The following CDKL5 variants were observed in gnomAD, a reference collection of about 807,000 sequenced individuals.
CDKL5 encodes the protein cyclin-dependent kinase-like 5.
In CDKL5, 8 loss-of-function variants were observed where a neutral mutation model predicts 61.7. The ratio of observed to expected loss-of-function variants is 0.13; its 90% CI spans 0.08 to 0.23. CDKL5 has a LOEUF of 0.23. Among genes scored for constraint, CDKL5 ranks in the 10% least tolerant of loss-of-function variants. The probability of loss-of-function intolerance (pLI) is 1.00; values close to 1 mark genes in which losing one functional copy is unlikely to be tolerated. For synonymous variants in CDKL5, 275 were observed against 272.3 expected (o/e 1.01, Z -0.10); for missense variants, 440 against 734.5 (o/e 0.60, Z 4.63).
chrX:18,627,935 G>T (rs1434746483), intron 17 of CDKL5, among the ~76,000 whole-genome samples: 2 of 111,369 alleles, frequency 1.8e-5, no homozygotes, highest in East Asian at 5.7e-4. Flanking sequence ...CATATTTTCA[G>T]CTTCTCTTGC....
intron 1 of CDKL5, among the ~76,000 whole-genome samples, chrX:18,490,041 G>T (rs1022399475): frequency 9.0e-6 from 1 of 111,713 alleles, no homozygotes; most frequent in Admixed American, 9.5e-5. Flanking sequence ...TTTAGAGTTT[G>T]ACTCTGTCAA....
At chrX:18,574,763 C>G (rs1382530860) in intron 4 of CDKL5, among the ~76,000 whole-genome samples, 1 of 111,917 alleles carries the variant, frequency 8.9e-6, no homozygotes, top group Non-Finnish European at 1.9e-5. Context: ...ATTAGACACT[C>G]TCAGAATTCC....
intron 1 of CDKL5, among the ~76,000 whole-genome samples, chrX:18,451,929 C>T (rs1932028090): frequency 8.9e-6 from 1 of 112,233 alleles, no homozygotes; most frequent in East Asian, 2.8e-4. Context: ...ATAACCCACA[C>T]TGTTTTATAC....
At chrX:18,627,889 G>A (rs1227020103) in intron 17 of CDKL5, among the ~76,000 whole-genome samples, 3 of 109,609 alleles carry the variant, frequency 2.7e-5, no homozygotes, top group African/African-American at 6.7e-5. Context: ...AGGGCTATAC[G>A]ACTTGTAGTT....
At chrX:18,441,239 A>T (rs1931734441) in intron 1 of CDKL5, among the ~76,000 whole-genome samples, 1 of 111,033 alleles carries the variant, frequency 9.0e-6, no homozygotes, top group Non-Finnish European at 1.9e-5. Context: ...AACATGGTGA[A>T]ACACCGTCTC....
chrX:18,598,847 A>G (rs1276999417), intron 11 of CDKL5, among the ~76,000 whole-genome samples: 1 of 112,363 alleles, frequency 8.9e-6, no homozygotes, highest in Admixed American at 9.5e-5. Flanking sequence ...TCCCTGGGAA[A>G]GGTAGCATTG....
rs186123467 is a variant in CDKL5, at chrX:18,556,391, C to T, written c.100-8086C>T. 1.1e-4 allele frequency among the ~76,000 whole-genome samples: 12 copies of T among 111,338 alleles called. No individual in the cohort carries two copies. In the East Asian group the frequency reaches 3.4e-3, roughly 31 times the overall value. Reference sequence around the variant, plus strand: ...CACATGGCTTGCAAAGACAGTATAGCATGATTATGGTTGAGAAATGGCATT... The same window carrying T: ...CACATGGCTTGCAAAGACAGTATAGTATGATTATGGTTGAGAAATGGCATT... On this transcript the variant is annotated intron_variant, in intron 3 of 17. Transcript: ENST00000623535.
At chrX:18,649,747 T>C (rs1927948015) in intron 20 of CDKL5, among the ~76,000 whole-genome samples, 1 of 112,028 alleles carries the variant, frequency 8.9e-6, no homozygotes, top group Non-Finnish European at 1.9e-5. Flanking sequence ...GGGAAGACAT[T>C]CTTTCTGTGG....
chrX:18,454,064 T>C (rs1391653278), intron 1 of CDKL5, among the ~76,000 whole-genome samples: 5 of 111,647 alleles, frequency 4.5e-5, no homozygotes. Flanking sequence ...GGAGGTAGCC[T>C]TTATGTAGAG....
chrX:18,553,731 G>A (rs1374640308), intron 3 of CDKL5, among the ~76,000 whole-genome samples: 2 of 111,611 alleles, frequency 1.8e-5, no homozygotes, highest in Non-Finnish European at 3.8e-5. Context: ...CTAACCTCAA[G>A]TGATCCGCCT....
In CDKL5 at chrX:18,646,222, C is replaced by T. The variant is rs749288342; in HGVS notation, c.2797+132C>T. 1,609 of 1,003,998 alleles carry T rather than the reference C, an allele frequency of 1.6e-3. 2 individuals carry two copies. Among genetic ancestry groups the T allele is most frequent in the Non-Finnish European group, 2.1e-3 (1,534 of 739,538 alleles). 82.7% of individuals were successfully genotyped at this position (1,003,998 alleles called of 1,213,427 possible). A position where few individuals can be genotyped will look rare whatever the true frequency, so the allele number is the denominator to read the frequency against. ...GCTGGTGTGCAGTGGCACACAATCT[C>T]GGCTCACTGCAACCTCCGCCTCCCA... On this transcript the variant is annotated intron_variant, in intron 20 of 21. Transcript: ENST00000379989.
chrX:18,595,863 A>G (rs1166107601), intron 10 of CDKL5, among the ~76,000 whole-genome samples: 1 of 110,827 alleles, frequency 9.0e-6, no homozygotes, highest in Non-Finnish European at 1.9e-5. Flanking sequence ...TCTCTCCCAG[A>G]CTCTTTCTGG....
rs1927176243 is a variant in CDKL5 at position 18,629,568 on chromosome X, A to G, written c.*811A>G. ...ATTTGTGATATGAAGTGAGTATTAT[A>G]CTTCTACTAAAGGGAGTTGAATTGT... On this transcript the variant is annotated 3_prime_UTR_variant, in exon 18 of 18. Transcript: ENST00000623535. 1 of 735,932 alleles carries G rather than the reference A, an allele frequency of 1.4e-6. No homozygotes were observed. Among genetic ancestry groups the G allele is most frequent in the Non-Finnish European group, 1.6e-6 (1 of 624,328 alleles). The allele number at this position is 735,932 out of a possible 1,213,427, so 60.6% of individuals were successfully genotyped here. A position where few individuals can be genotyped will look rare whatever the true frequency, so the allele number is the denominator to read the frequency against.
chrX:18,437,472 G>A (rs1432878840), intron 1 of CDKL5, among the ~76,000 whole-genome samples: 5 of 111,855 alleles, frequency 4.5e-5, no homozygotes, highest in East Asian at 2.8e-4. Flanking sequence ...ATGTTTTAAC[G>A]AAATGTTTCA....
chrX:18,589,226 T>G (rs1316761698), intron 9 of CDKL5: 2 of 110,803 alleles, frequency 1.8e-5, no homozygotes, highest in Non-Finnish European at 3.8e-5. Context: ...TGTGCCATGT[T>G]GGTGTGCTGC....
In CDKL5 at chrX:18,510,259, A is replaced by G. The variant is rs562673373; in HGVS notation, c.65-561A>G. Among the ~76,000 whole-genome samples, 55 of 111,493 alleles carry G rather than the reference A, an allele frequency of 4.9e-4. No homozygotes were observed. The South Asian group carries it at 0.02, about 41-fold the overall frequency. ...AACCTCTGCCTCCTGGGTTCAAACG[A>G]TTCTCCTGCCTCAGCCTCCTGAGTA... On this transcript the variant is annotated intron_variant, in intron 2 of 17. Coordinates refer to ENST00000623535, the MANE Select transcript of CDKL5 (RefSeq NM_001323289.2).
At chrX:18,543,370 G>A (rs1473278971) in intron 3 of CDKL5, among the ~76,000 whole-genome samples, 1 of 109,775 alleles carries the variant, frequency 9.1e-6, no homozygotes, top group Admixed American at 9.7e-5. Context: ...ATATATGGGA[G>A]ACAATAAGGA....
intron 2 of CDKL5, among the ~76,000 whole-genome samples, chrX:18,510,420 G>A (rs1363098294): frequency 8.9e-6 from 1 of 112,371 alleles, no homozygotes; most frequent in Non-Finnish European, 1.9e-5. Context: ...CTCCCAAAGT[G>A]CTGGGATTAT....
chrX:18,451,900 A>G (rs1418946626), intron 1 of CDKL5, among the ~76,000 whole-genome samples: 6 of 112,275 alleles, frequency 5.3e-5, no homozygotes, highest in Non-Finnish European at 1.1e-4. Flanking sequence ...TAGGGAGGAC[A>G]TTGGAAGTCG....
Sources: allele counts gnomAD v4.1 joint callset (sites outside exome capture counted in the v4.1 genomes callset), GRCh38; gene constraint gnomAD v4.1.1; transcripts MANE v1.5; gene names NCBI Gene and HGNC (gene_info 2026-07-23, HGNC 2026-07-21).